Variants in TRPC4 observed in about 807,000 individuals in gnomAD.
TRPC4 encodes transient receptor potential cation channel subfamily C member 4.
TRPC4 carries 49 observed loss-of-function variants against 99.4 expected under a neutral mutation model. The ratio of observed to expected loss-of-function variants is 0.49; its 90% CI spans 0.39 to 0.63. The LOEUF (loss-of-function observed/expected upper bound fraction) is 0.63, where lower values mean the gene tolerates loss of function less well. Ranked by LOEUF, TRPC4 falls within the 20% of genes least tolerant of loss-of-function variation. The probability of loss-of-function intolerance (pLI) is 0.00; values close to 1 mark genes in which losing one functional copy is unlikely to be tolerated. For missense variants in TRPC4, 898 were observed against 1,152.9 expected, an observed-to-expected ratio of 0.78 and a Z score of 3.20; for synonymous variants, 454 against 425.9, an observed-to-expected ratio of 1.07 and a Z score of -0.81.
At chr13:37,740,181 T>C (rs924730487) in intron 3 of TRPC4, among the ~76,000 whole-genome samples, 1 of 152,096 alleles carries the variant, frequency 6.6e-6, no homozygotes, top group Non-Finnish European at 1.5e-5. Context: ...ATGGGTAGGG[T>C]ACAACCTTGA....
At chr13:37,842,124 G>T (rs1958747137) in intron 1 of TRPC4, among the ~76,000 whole-genome samples, 2 of 151,606 alleles carry the variant, frequency 1.3e-5, no homozygotes, top group Admixed American at 1.3e-4. Context: ...ACAAAAATTA[G>T]CTGGGTGTGG....
At chr13:37,733,455 A>C (rs1955300460) in intron 3 of TRPC4, among the ~76,000 whole-genome samples, 1 of 152,212 alleles carries the variant, frequency 6.6e-6, no homozygotes, top group Admixed American at 6.6e-5. Context: ...AGGATGACTC[A>C]GATTTCTAAC....
chr13:37,740,816 A>G (rs1236040536), intron 3 of TRPC4, among the ~76,000 whole-genome samples: 1 of 152,186 alleles, frequency 6.6e-6, no homozygotes, highest in Non-Finnish European at 1.5e-5. Context: ...TTAGTTTACC[A>G]TGCCATGGAT....
chr13:37,678,364 C>T (rs764842416), intron 4 of TRPC4, among the ~76,000 whole-genome samples: 16 of 151,848 alleles, frequency 1.1e-4, no homozygotes, highest in Non-Finnish European at 1.2e-4. Context: ...TGATAAAACG[C>T]TAGCCAGAAT....
chr13:37,859,504 A>G (rs1044843110), intron 1 of TRPC4, among the ~76,000 whole-genome samples: 5 of 151,476 alleles, frequency 3.3e-5, no homozygotes, highest in African/African-American at 1.2e-4. Context: ...AAGAAAACAC[A>G]CATTAACCTC....
chr13:37,665,096 G>A (rs1156673517), intron 5 of TRPC4, among the ~76,000 whole-genome samples: 1 of 152,044 alleles, frequency 6.6e-6, no homozygotes, highest in African/African-American at 2.4e-5. Context: ...TATGACAAGT[G>A]TCAGAGTGAA....
At chr13:37,691,910 G>C in intron 4 of TRPC4, 89 bp downstream of exon 4, 1 of 1,256,546 alleles carries the variant, frequency 8.0e-7, no homozygotes, top group Non-Finnish European at 1.1e-6. Flanking sequence ...AACATTCCTA[G>C]GTCCCAAACA....
intron 1 of TRPC4, among the ~76,000 whole-genome samples, chr13:37,788,029 A>G (rs1957015931): frequency 6.6e-6 from 1 of 152,134 alleles, no homozygotes; most frequent in African/African-American, 2.4e-5. Context: ...TGGGATTGAG[A>G]AAACATATCT....
chr13:37,839,483 A>C (rs1003642435), intron 1 of TRPC4, among the ~76,000 whole-genome samples: 1 of 152,204 alleles, frequency 6.6e-6, no homozygotes, highest in African/African-American at 2.4e-5. Context: ...ACAGTCAATC[A>C]ATTTGGAAAC....
chr13:37,830,214 G>A (rs1180272262), intron 1 of TRPC4, among the ~76,000 whole-genome samples: 1 of 151,998 alleles, frequency 6.6e-6, no homozygotes, highest in Non-Finnish European at 1.5e-5. Flanking sequence ...GCATGCTTCA[G>A]CACATAAATG....
chr13:37,682,644 C>A (rs553306102), intron 4 of TRPC4, among the ~76,000 whole-genome samples: 1 of 152,196 alleles, frequency 6.6e-6, no homozygotes, highest in Non-Finnish European at 1.5e-5. Flanking sequence ...CTGTTCCCAA[C>A]CACCTAGCCC....
chr13:37,836,486 T>C (rs892607121), intron 1 of TRPC4, among the ~76,000 whole-genome samples: 3 of 152,072 alleles, frequency 2.0e-5, no homozygotes, highest in Admixed American at 2.0e-4. Context: ...TGGTTTCAGA[T>C]GGAGATGAGA....
chr13:37,825,078 C>T (rs914787983), intron 1 of TRPC4, among the ~76,000 whole-genome samples: 1 of 151,220 alleles, frequency 6.6e-6, no homozygotes, highest in African/African-American at 2.4e-5. Flanking sequence ...TTGTAGTATT[C>T]TCTGATGGTA....
chr13:37,866,330 A>G (rs1192215142), intron 1 of TRPC4, among the ~76,000 whole-genome samples: 1 of 151,794 alleles, frequency 6.6e-6, no homozygotes, highest in Non-Finnish European at 1.5e-5. Context: ...ACTAATATTA[A>G]TAGGATATTA....
intron 5 of TRPC4, among the ~76,000 whole-genome samples, chr13:37,673,999 A>G (rs1309389836): frequency 6.6e-6 from 1 of 152,118 alleles, no homozygotes; most frequent in Admixed American, 6.5e-5. Flanking sequence ...TAGTAGATGC[A>G]AGGGAATTGG....
chr13:37,764,857 C>T (rs555024244), intron 2 of TRPC4, among the ~76,000 whole-genome samples: 83 of 132,776 alleles, frequency 6.3e-4, no homozygotes, highest in African/African-American at 2.4e-3. Context: ...GTGTTTCTTT[C>T]ACCTTTATCT....
intron 1 of TRPC4, among the ~76,000 whole-genome samples, chr13:37,786,654 C>T (rs1054611422): frequency 6.6e-6 from 1 of 151,928 alleles, no homozygotes; most frequent in African/African-American, 2.4e-5. Context: ...CCTATAATGT[C>T]AAAATAAAAC....
chr13:37,685,785 T>G (rs928462941), intron 4 of TRPC4, among the ~76,000 whole-genome samples: 1 of 152,150 alleles, frequency 6.6e-6, no homozygotes, highest in African/African-American at 2.4e-5. Context: ...AAGAGTTCAT[T>G]TCCCTCCAAT....
At chr13:37,640,655 C>T (rs2031272) in intron 8 of TRPC4, among the ~76,000 whole-genome samples, 150,494 of 152,298 alleles carry the variant, frequency 0.99, 74,381 homozygotes, top group East Asian at 1. Flanking sequence ...GGGAATTTTA[C>T]GGCTGGGCCA....
Sources: gnomAD v4.1 joint callset for allele counts (sites outside exome capture counted in the v4.1 genomes callset) on GRCh38, gnomAD v4.1.1 for gene constraint, MANE v1.5 for transcripts, NCBI Gene and HGNC (gene_info 2026-07-23, HGNC 2026-07-21) for gene names.